The following CDH4 variants were observed in gnomAD, a reference collection of about 807,000 sequenced individuals.
CDH4 encodes cadherin 4, also known as cadherin-4.
In CDH4, 33 loss-of-function variants were observed where a neutral mutation model predicts 86.0. The observed-to-expected ratio is 0.38, with a 90% CI of 0.29 to 0.51. The LOEUF (loss-of-function observed/expected upper bound fraction) is 0.51, where lower values mean the gene tolerates loss of function less well. Ranked by LOEUF, CDH4 falls within the 20% of genes least tolerant of loss-of-function variation. The probability of loss-of-function intolerance (pLI) is 0.86; values close to 1 mark genes in which losing one functional copy is unlikely to be tolerated. For synonymous variants in CDH4, 555 were observed against 549.4 expected, an observed-to-expected ratio of 1.01 and a Z score of -0.14; for missense variants, 1,114 against 1,307.4, an observed-to-expected ratio of 0.85 and a Z score of 2.28.
At chr20:61,851,674 T>A (rs993568147) in intron 5 of CDH4, among the ~76,000 whole-genome samples, 1 of 152,280 alleles carries the variant, frequency 6.6e-6, no homozygotes, top group East Asian at 1.9e-4. Context: ...AGGCCTCGGA[T>A]GTGCCCTTTC....
rs530008619 is a variant in CDH4, at chr20:61,310,494, C to T, written c.169+55557C>T. On this transcript the variant is annotated intron_variant, in intron 2 of 15. Coordinates refer to ENST00000614565, the MANE Select transcript of CDH4 (RefSeq NM_001794.5). Reference sequence around the variant, plus strand: ...GTGCACCTTGGATCCCTCCCATGCGCGGTTCACAGTAGGGTTTGCACTCCT... The same window carrying T: ...GTGCACCTTGGATCCCTCCCATGCGTGGTTCACAGTAGGGTTTGCACTCCT... Among the ~76,000 whole-genome samples the T allele has an allele frequency of 2.2e-4, 34 of 152,276 alleles. No homozygotes were observed. In the South Asian group the frequency reaches 6.0e-3, roughly 27 times the overall value.
Position 61,837,926 on chromosome 20 carries a change from T to G in CDH4, c.577-6742T>G, listed in dbSNP as rs1289268454. ...CCTCCCCTCCCATCTCCCTTCCCTG[T>G]GGCCTCCCTTCCTGTTTATTTTCCC... On this transcript the variant is annotated intron_variant, in intron 4 of 15. Coordinates refer to ENST00000614565, the MANE Select transcript of CDH4 (RefSeq NM_001794.5). Among the ~76,000 whole-genome samples the G allele has an allele frequency of 3.9e-5, 6 of 152,284 alleles. No individual in the cohort carries two copies. The East Asian group carries it at 1.2e-3, about 29-fold the overall frequency.
At chr20:61,598,073 AC>A (rs1428970160) in intron 2 of CDH4, among the ~76,000 whole-genome samples, 1 of 152,154 alleles carries the variant, frequency 6.6e-6, no homozygotes, top group East Asian at 1.9e-4. Context: ...GTCTCAGTGA[AC>A]ACATGCCAAG....
intron 2 of CDH4, among the ~76,000 whole-genome samples, chr20:61,413,129 C>T (rs1039388490): frequency 1.3e-5 from 2 of 152,030 alleles, no homozygotes; most frequent in East Asian, 1.9e-4. Flanking sequence ...GCACCCAAGG[C>T]CCCCCTTCCC....
chr20:61,412,145 A>G (rs2085123006), intron 2 of CDH4, among the ~76,000 whole-genome samples: 1 of 152,228 alleles, frequency 6.6e-6, no homozygotes, highest in South Asian at 2.1e-4. Flanking sequence ...GTTCTTACCC[A>G]GATCATGGTG....
chr20:61,702,571 G>A (rs2087788427), intron 2 of CDH4, among the ~76,000 whole-genome samples: 1 of 152,214 alleles, frequency 6.6e-6, no homozygotes, highest in Non-Finnish European at 1.5e-5. Flanking sequence ...TGAAAGCTGA[G>A]TGCGACCTTG....
intron 2 of CDH4, among the ~76,000 whole-genome samples, chr20:61,629,321 G>A (rs1260090501): frequency 6.6e-6 from 1 of 152,188 alleles, no homozygotes; most frequent in East Asian, 1.9e-4. Context: ...TCCAGCCAGA[G>A]TCCCTGGGAG....
At chr20:61,418,643 T>C (rs887101853) in intron 2 of CDH4, among the ~76,000 whole-genome samples, 1 of 152,150 alleles carries the variant, frequency 6.6e-6, no homozygotes, top group Non-Finnish European at 1.5e-5. Context: ...GAGGAGTTAG[T>C]GTCCTGGAGG....
intron 2 of CDH4, among the ~76,000 whole-genome samples, chr20:61,354,580 C>A (rs189315917): frequency 9.9e-5 from 15 of 152,218 alleles, no homozygotes; most frequent in Non-Finnish European, 1.8e-4. Context: ...CCTTGCCCCA[C>A]ATCTGAGGGG....
At chr20:61,336,160 G>A (rs2084615916) in intron 2 of CDH4, among the ~76,000 whole-genome samples, 1 of 152,056 alleles carries the variant, frequency 6.6e-6, no homozygotes, top group African/African-American at 2.4e-5. Flanking sequence ...CTCCATTCCT[G>A]CCTGTTTAAA....
At chr20:61,646,552 TAGAG>T (rs755488956) in intron 2 of CDH4, among the ~76,000 whole-genome samples, 5 of 152,144 alleles carry the variant, frequency 3.3e-5, no homozygotes, top group African/African-American at 1.2e-4. Context: ...CATTGTCAAG[TAGAG>T]AGAACGGGGT....
intron 2 of CDH4, among the ~76,000 whole-genome samples, chr20:61,494,334 C>T (rs998408236): frequency 6.6e-6 from 1 of 152,194 alleles, no homozygotes; most frequent in Non-Finnish European, 1.5e-5. Flanking sequence ...CTTGAATAGA[C>T]TTAGAAAATC....
intron 4 of CDH4, among the ~76,000 whole-genome samples, chr20:61,830,297 C>A (rs1240685542): frequency 6.6e-6 from 1 of 152,166 alleles, no homozygotes; most frequent in Non-Finnish European, 1.5e-5. Flanking sequence ...CAGCGTCCTG[C>A]GTGGAACATA....
chr20:61,517,407 C>G lies in CDH4; in HGVS notation c.170-226156C>G, dbSNP rs2085829664. On this transcript the variant is annotated intron_variant, in intron 2 of 15. Coordinates refer to ENST00000614565, the MANE Select transcript of CDH4 (RefSeq NM_001794.5). This position sits in a 1 kb window ranked among gnomAD's most constrained non-coding sequence, Gnocchi z 6.6. ...ACAAGGTCTCGCCGTGTTTCCCAGG[C>G]TGGTCTCAAGTGCCTGGCCTCAAGC... Among the ~76,000 whole-genome samples the G allele has an allele frequency of 2.0e-5, 3 of 152,136 alleles. No individual in the cohort carries two copies. In the South Asian group the frequency reaches 6.2e-4, roughly 32 times the overall value.
intron 2 of CDH4, among the ~76,000 whole-genome samples, chr20:61,732,731 G>A (rs1430412240): frequency 6.6e-6 from 1 of 152,194 alleles, no homozygotes; most frequent in African/African-American, 2.4e-5. Context: ...ACCTCGGTGT[G>A]CACCGCTCGT....
intron 2 of CDH4, among the ~76,000 whole-genome samples, chr20:61,478,354 G>A (rs976261856): frequency 6.6e-6 from 1 of 152,184 alleles, no homozygotes; most frequent in African/African-American, 2.4e-5. Flanking sequence ...CTCCGAAGTA[G>A]CACCTGGCTA....
intron 2 of CDH4, among the ~76,000 whole-genome samples, chr20:61,713,193 A>G (rs1198516687): frequency 6.6e-6 from 1 of 152,212 alleles, no homozygotes; most frequent in Non-Finnish European, 1.5e-5. Flanking sequence ...GCACATCCTC[A>G]CAAAATGGAC....
At chr20:61,592,709 TG>T (rs2086526787) in intron 2 of CDH4, among the ~76,000 whole-genome samples, 1 of 152,164 alleles carries the variant, frequency 6.6e-6, no homozygotes, top group Non-Finnish European at 1.5e-5. Flanking sequence ...GGATACCCTA[TG>T]TGAATGGAGT....
chr20:61,457,778 G>A (rs1053425826), intron 2 of CDH4, among the ~76,000 whole-genome samples: 1 of 151,188 alleles, frequency 6.6e-6, no homozygotes, highest in African/African-American at 2.4e-5. Flanking sequence ...TGATGGCCAT[G>A]ATGTTGATGA....
Sources: allele counts gnomAD v4.1 joint callset (sites outside exome capture counted in the v4.1 genomes callset), GRCh38; gene constraint gnomAD v4.1.1; non-coding constraint Gnocchi (gnomAD v3.1); transcripts MANE v1.5; gene names NCBI Gene and HGNC (gene_info 2026-07-23, HGNC 2026-07-21).